Variants in ACOT7 observed in about 807,000 individuals in gnomAD.
ACOT7 encodes the protein acyl-CoA thioesterase 7.
Under a neutral mutation model 40.2 loss-of-function variants are expected in ACOT7, and 12 were observed. The ratio of observed to expected loss-of-function variants is 0.30; its 90% CI spans 0.19 to 0.48. ACOT7 has a LOEUF of 0.48. Among genes scored for constraint, ACOT7 ranks in the 20% least tolerant of loss-of-function variants. The pLI, the probability that ACOT7 is intolerant of heterozygous loss-of-function variation, is 0.99. For missense variants in ACOT7, 395 were observed against 530.8 expected, an observed-to-expected ratio of 0.74 and a Z score of 2.51; for synonymous variants, 228 against 219.5, an observed-to-expected ratio of 1.04 and a Z score of -0.34.
chr1:6,272,641 GA>G (rs1293359847), intron 8 of ACOT7, among the ~76,000 whole-genome samples: 1 of 152,188 alleles, frequency 6.6e-6, no homozygotes, highest in Non-Finnish European at 1.5e-5. Context: ...TGGCCGCAAA[GA>G]GCCTTTGCCA....
chr1:6,284,576 CAAAA>C (rs561943319), intron 7 of ACOT7, among the ~76,000 whole-genome samples: 1 of 57,976 alleles, frequency 1.7e-5, no homozygotes, highest in Non-Finnish European at 3.4e-5. Context: ...AACTCCATCT[CAAAA>C]AAAAAAAAAA....
chr1:6,286,824 C>T (rs570016076), intron 7 of ACOT7, among the ~76,000 whole-genome samples: 9 of 152,280 alleles, frequency 5.9e-5, no homozygotes, highest in African/African-American at 1.2e-4. Flanking sequence ...GTCAACTGCC[C>T]GCATTCATTA....
rs543817629 is a variant in ACOT7 at position 6,378,998 on chromosome 1, C to A, written c.143+14259G>T. Among the ~76,000 whole-genome samples, 17 of 151,938 alleles carry A rather than the reference C, an allele frequency of 1.1e-4. 1 individual carries two copies. In the South Asian group the frequency reaches 3.5e-3, roughly 32 times the overall value. ...GCAAGCTCCGCCTCCCGGGTTCACA[C>A]CATTCTCCTGCCTCAGCCTCCCAAG... On this transcript the variant is annotated intron_variant, in intron 1 of 8. Transcript: ENST00000361521.
intron 7 of ACOT7, among the ~76,000 whole-genome samples, chr1:6,285,223 G>A (rs113968544): frequency 0.03 from 4,642 of 152,280 alleles, 275 homozygotes; most frequent in African/African-American, 0.11. Context: ...ACTCAAGCTG[G>A]CCAGAGCCCC....
intron 3 of ACOT7, among the ~76,000 whole-genome samples, chr1:6,334,564 G>C (rs975261318): frequency 6.6e-6 from 1 of 152,196 alleles, no homozygotes; most frequent in African/African-American, 2.4e-5. Context: ...CCAGACACTC[G>C]GGTGTGCTGC....
chr1:6,307,213 T>C (rs1332175825), intron 6 of ACOT7, among the ~76,000 whole-genome samples: 1 of 152,210 alleles, frequency 6.6e-6, no homozygotes, highest in Non-Finnish European at 1.5e-5. Flanking sequence ...TGGTCACTGG[T>C]TCTCGAGTTA....
intron 7 of ACOT7, among the ~76,000 whole-genome samples, chr1:6,286,298 T>C (rs1639500628): frequency 1.3e-5 from 2 of 151,466 alleles, no homozygotes; most frequent in Non-Finnish European, 2.9e-5. Context: ...CTAGGAGAGG[T>C]GTGGATGCTT....
intron 1 of ACOT7, among the ~76,000 whole-genome samples, chr1:6,361,924 C>T (rs1352173398): frequency 6.6e-6 from 1 of 152,206 alleles, no homozygotes; most frequent in Non-Finnish European, 1.5e-5. Flanking sequence ...TTACCTTTGC[C>T]ACAGAAAGGC....
At chr1:6,346,743 C>T (rs1472652230) in intron 2 of ACOT7, among the ~76,000 whole-genome samples, 3 of 152,116 alleles carry the variant, frequency 2.0e-5, no homozygotes, top group South Asian at 2.1e-4. Flanking sequence ...ATCAGGTGAT[C>T]GGGTGATCGG....
chr1:6,336,333 C>CAAAA lies in ACOT7; in HGVS notation c.419-2769_419-2766dup, dbSNP rs3029068. Among the ~76,000 whole-genome samples the CAAAA allele has an allele frequency of 1.1e-3, 58 of 52,756 alleles. 2 individuals are homozygous for CAAAA. The highest frequency in any genetic ancestry group is 2.4e-3 in the African/African-American group (31 of 12,788). The allele number at this position is 52,756 out of a possible 152,430, so 34.6% of individuals were successfully genotyped here. ...TGCACGACAGAGCAAGACTCGGTCT[C>CAAAA]AAAAAAAAAAAAAAAAAAAAAAAAA... On this transcript the variant is annotated intron_variant, in intron 3 of 8. Transcript: ENST00000361521.
Position 6,289,130 on chromosome 1 carries a change from C to T in ACOT7, c.829+5734G>A, listed in dbSNP as rs988186400. On this transcript the variant is annotated intron_variant, in intron 7 of 8. Coordinates refer to ENST00000361521, the MANE Select transcript of ACOT7 (RefSeq NM_007274.4). This position sits in a 1 kb window ranked among gnomAD's most constrained non-coding sequence, Gnocchi z 4.6. ...TTTATTTTTTTTTGAGACGGAGTCT[C>T]GCTCTGTCGCCCCGGCTGGAGTGCA... Among the ~76,000 whole-genome samples the T allele has an allele frequency of 2.0e-5, 3 of 152,180 alleles. No individual in the cohort carries two copies. The highest frequency in any genetic ancestry group is 4.4e-5 in the Non-Finnish European group (3 of 68,030).
At chr1:6,277,956 G>A (rs551036273) in intron 8 of ACOT7, among the ~76,000 whole-genome samples, 3 of 152,290 alleles carry the variant, frequency 2.0e-5, no homozygotes, top group South Asian at 2.1e-4. Flanking sequence ...TGAGGAAACC[G>A]AGGCACATAG....
At chr1:6,363,742 T>G (rs546837491) in intron 1 of ACOT7, among the ~76,000 whole-genome samples, 1 of 152,228 alleles carries the variant, frequency 6.6e-6, no homozygotes, top group East Asian at 1.9e-4. Context: ...TTGCCTTGTA[T>G]CCAATAAATA....
chr1:6,289,881 C>T lies in ACOT7; in HGVS notation c.829+4983G>A, dbSNP rs1363654576. Reference sequence around the variant, plus strand: ...TGAAATGGGCACATCAGAAAACCCCCTTCCACCTGCTAAGACAGAATAATG... The same window carrying T: ...TGAAATGGGCACATCAGAAAACCCCTTTCCACCTGCTAAGACAGAATAATG... On this transcript the variant is annotated intron_variant, in intron 7 of 8. Transcript: ENST00000361521. This position sits in a 1 kb window ranked among gnomAD's most constrained non-coding sequence, Gnocchi z 4.6. Among the ~76,000 whole-genome samples the T allele has an allele frequency of 2.0e-5, 3 of 152,216 alleles. No homozygotes were observed. Among genetic ancestry groups the T allele is most frequent in the Admixed American group, 6.5e-5 (1 of 15,282 alleles).
At position 6,264,455 on chromosome 1, in the gene ACOT7, T is replaced by G. The variant is rs550868663; in HGVS notation, c.*142A>C. The G allele has an allele frequency of 1.5e-6, 1 of 685,076 alleles. No individual in the cohort carries two copies. The highest frequency in any genetic ancestry group is 2.7e-5 in the East Asian group (1 of 36,588). The allele number at this position is 685,076 out of a possible 1,614,324, so 42.4% of individuals were successfully genotyped here. Reference sequence around the variant, plus strand: ...GTAGGTTTGCAGGAGAGAGTACAGGTTAACACTGTGATACGAAAACTTCAG... The same window carrying G: ...GTAGGTTTGCAGGAGAGAGTACAGGGTAACACTGTGATACGAAAACTTCAG... On this transcript the variant is annotated 3_prime_UTR_variant, in exon 9 of 9. Transcript: ENST00000361521.
intron 2 of ACOT7, among the ~76,000 whole-genome samples, chr1:6,339,918 C>T (rs1375665568): frequency 7.0e-6 from 1 of 143,266 alleles, no homozygotes; most frequent in Non-Finnish European, 1.5e-5. Context: ...TTCCGAGTAG[C>T]TGGGACTACA....
In ACOT7 at chr1:6,359,112, G is replaced by A. The variant is rs1641829556; in HGVS notation, c.144-9246C>T. 1 of 372,830 alleles carries A rather than the reference G, an allele frequency of 2.7e-6. No homozygotes were observed. The highest frequency in any genetic ancestry group is 4.9e-6 in the Non-Finnish European group (1 of 205,732). 23.1% of individuals were successfully genotyped at this position (372,830 alleles called of 1,614,324 possible). On this transcript the variant is annotated intron_variant, in intron 1 of 8. Coordinates refer to ENST00000361521, the MANE Select transcript of ACOT7 (RefSeq NM_007274.4). This position sits in a 1 kb window ranked among gnomAD's most constrained non-coding sequence, Gnocchi z 4.1. Reference sequence around the variant, plus strand: ...AGAAGTAATTCTGTGAGCTCTTCTGGCTGCCATGCCAGGAGATCAGGAAGG... The same window carrying A: ...AGAAGTAATTCTGTGAGCTCTTCTGACTGCCATGCCAGGAGATCAGGAAGG...
At position 6,294,777 on chromosome 1, in the gene ACOT7, C is replaced by T. The variant is rs1639765327; in HGVS notation, c.829+87G>A. 1 of 1,040,674 alleles carries T rather than the reference C, an allele frequency of 9.6e-7. No homozygotes were observed. Among genetic ancestry groups the T allele is most frequent in the South Asian group, 1.4e-5 (1 of 72,130 alleles). 64.5% of individuals were successfully genotyped at this position (1,040,674 alleles called of 1,614,324 possible). A position where few individuals can be genotyped will look rare whatever the true frequency, so the allele number is the denominator to read the frequency against. On this transcript the variant is annotated intron_variant, in intron 7 of 8. Coordinates refer to ENST00000361521, the MANE Select transcript of ACOT7 (RefSeq NM_007274.4). The surrounding 1 kb of genome is among the most constrained non-coding windows in gnomAD (Gnocchi z 4.6). ...GGCACACACCAAGGCCCACATGACCCTGGGTGTGAACAGAAAACAAACTGG... is the reference window on the plus strand; with the variant it reads ...GGCACACACCAAGGCCCACATGACCTTGGGTGTGAACAGAAAACAAACTGG...
rs765582820 is a variant in ACOT7 at position 6,393,354 on chromosome 1, T to C, written c.46A>G (p.Thr16Ala). The C allele has an allele frequency of 8.0e-7, 1 of 1,244,370 alleles. No individual in the cohort carries two copies. Among genetic ancestry groups the C allele is most frequent in the Non-Finnish European group, 1.0e-6 (1 of 993,584 alleles). The allele number at this position is 1,244,370 out of a possible 1,614,324, so 77.1% of individuals were successfully genotyped here. A position where few individuals can be genotyped will look rare whatever the true frequency, so the allele number is the denominator to read the frequency against. ...GCGGGCGGCTGCAGAAGGGCGCAGG[T>C]GTCTGGCAGGCCCGGCGCGGAATGA... ...LIHSAPGLPDTCALLQPPAAS... is the reference protein window; with the variant it reads ...LIHSAPGLPDACALLQPPAAS... The change falls in exon 1 of 9, where the codon ACC becomes GCC. Residue 16 changes from threonine to alanine, a missense_variant. By Grantham distance (58) the Thr-to-Ala change is moderately conservative. Coordinates refer to ENST00000361521, the MANE Select transcript of ACOT7 (RefSeq NM_007274.4).
Sources: gnomAD v4.1 joint callset for allele counts (sites outside exome capture counted in the v4.1 genomes callset) on GRCh38, gnomAD v4.1.1 for gene constraint, Gnocchi (gnomAD v3.1) non-coding constraint, MANE v1.5 for transcripts, NCBI Gene and HGNC (gene_info 2026-07-23, HGNC 2026-07-21) for gene names.